ZC3H18: variants seen among roughly 807,000 people sequenced by gnomAD.
ZC3H18 encodes the protein zinc finger CCCH domain-containing protein 18.
ZC3H18 carries 8 observed loss-of-function variants against 106.1 expected under a neutral mutation model. That is an observed-to-expected ratio of 0.08 (90% CI 0.04 to 0.14). The LOEUF is 0.14. Among genes scored for constraint, ZC3H18 ranks in the 10% least tolerant of loss-of-function variants. ZC3H18 has a pLI of 1.00. For missense variants in ZC3H18, 1,318 were observed against 1,278.4 expected, an observed-to-expected ratio of 1.03 and a Z score of -0.47; for synonymous variants, 635 against 522.1, an observed-to-expected ratio of 1.22 and a Z score of -2.95.
At position 88,623,192 on chromosome 16, in the gene ZC3H18, C is replaced by T. The variant is rs189506129; in HGVS notation, c.1668-27C>T. ...GGCAGGGAGGGCCCTTCTCACTTCT[C>T]GCCACGCTCCGTCCCGCCCGCCCCA... On this transcript the variant is annotated intron_variant, in intron 9 of 17. Transcript: ENST00000301011. The T allele has an allele frequency of 1.0e-4, 162 of 1,606,326 alleles. No individual in the cohort carries two copies. In the East Asian group the frequency reaches 3.2e-3, roughly 31 times the overall value.
intron 16 of ZC3H18, among the ~76,000 whole-genome samples, 160 bp downstream of exon 16, chr16:88,629,014 T>G (rs1032841643): frequency 1.3e-5 from 2 of 152,254 alleles, no homozygotes; most frequent in African/African-American, 4.8e-5. Context: ...TGTTGAAAAC[T>G]AAAACGAAGA....
chr16:88,614,576 G>A (rs539497581), intron 8 of ZC3H18, among the ~76,000 whole-genome samples: 3 of 152,308 alleles, frequency 2.0e-5, no homozygotes, highest in African/African-American at 7.2e-5. Context: ...TAAATGTGCT[G>A]TATTTGTCAT....
chr16:88,628,960 C>A, intron 16 of ZC3H18, 106 bp downstream of exon 16: 2 of 1,095,714 alleles, frequency 1.8e-6, no homozygotes, highest in Non-Finnish European at 2.7e-6. Context: ...GAGGAGGGTC[C>A]AGAGAACATC....
At position 88,571,138 on chromosome 16, in the gene ZC3H18, T is replaced by C. The variant is rs1439509483; in HGVS notation, c.-15+572T>C. Reference sequence around the variant, plus strand: ...GAGATCAGAGGTGCTGGGTCCTTTATATAGACCAACTGCAGCTATAATGCT... The same window carrying C: ...GAGATCAGAGGTGCTGGGTCCTTTACATAGACCAACTGCAGCTATAATGCT... On this transcript the variant is annotated intron_variant, in intron 1 of 17. Transcript: ENST00000301011. Among the ~76,000 whole-genome samples, 7 of 152,222 alleles carry C rather than the reference T, an allele frequency of 4.6e-5. No individual in the cohort carries two copies. The East Asian group carries it at 1.3e-3, about 29-fold the overall frequency.
chr16:88,619,459 G>A (rs1567596274), intron 8 of ZC3H18, among the ~76,000 whole-genome samples: 1 of 152,138 alleles, frequency 6.6e-6, no homozygotes, highest in South Asian at 2.1e-4. Context: ...GCAGTGACGA[G>A]ATGGTGCAGG....
At position 88,623,952 on chromosome 16, in the gene ZC3H18, C is replaced by A. The variant is rs1437561144; in HGVS notation, c.1794-6C>A. The A allele has an allele frequency of 2.5e-6, 4 of 1,609,052 alleles. No homozygotes were observed. The highest frequency in any genetic ancestry group is 1.7e-4 in the Middle Eastern group (1 of 6,060). Reference sequence around the variant, plus strand: ...CCCCTTCCGACACCTTTGTTCACTCCCCTAGGTCCCGGTCCTTCTCTTCGT... The same window carrying A: ...CCCCTTCCGACACCTTTGTTCACTCACCTAGGTCCCGGTCCTTCTCTTCGT... On this transcript the variant is annotated splice_region_variant and splice_polypyrimidine_tract_variant and intron_variant, in intron 10 of 17. Coordinates refer to ENST00000301011, the MANE Select transcript of ZC3H18 (RefSeq NM_144604.4).
chr16:88,591,160 C>T (rs1398528556), intron 3 of ZC3H18, among the ~76,000 whole-genome samples: 2 of 151,842 alleles, frequency 1.3e-5, no homozygotes, highest in African/African-American at 2.4e-5. Context: ...TTGGTAGAGA[C>T]GGAGTTTCAC....
chr16:88,624,781 C>T (rs1906198916), intron 12 of ZC3H18, 36 bp downstream of exon 12: 4 of 1,579,928 alleles, frequency 2.5e-6, no homozygotes, highest in African/African-American at 1.4e-5. Flanking sequence ...TCAGGCTTTC[C>T]GTGTTCTTGG....
At chr16:88,608,813 C>T in intron 6 of ZC3H18, 121 bp from the exon 7 acceptor site, 4 of 725,700 alleles carry the variant, frequency 5.5e-6, no homozygotes, top group Admixed American at 2.6e-5. Context: ...GCCAACCTTG[C>T]GCTCCTGGAG....
intron 3 of ZC3H18, among the ~76,000 whole-genome samples, chr16:88,589,394 A>G (rs1488780015): frequency 6.6e-6 from 1 of 152,278 alleles, no homozygotes; most frequent in Non-Finnish European, 1.5e-5. Flanking sequence ...TCCAGTAACC[A>G]AAGAGAAACA....
At position 88,623,363 on chromosome 16, in the gene ZC3H18, T is replaced by G; in HGVS notation, c.1793+19T>G. On this transcript the variant is annotated intron_variant, in intron 10 of 17. Coordinates refer to ENST00000301011, the MANE Select transcript of ZC3H18 (RefSeq NM_144604.4). ...GGTCCAGGTATGTCCCCAGGGCCCA[T>G]GAAGGGCCCTCAGCAGGTGCAGTGA... is the stretch of plus-strand genomic sequence containing the variant. 1.2e-6 allele frequency: 2 copies of G among 1,611,106 alleles called. No individual in the cohort carries two copies. The highest frequency in any genetic ancestry group is 1.7e-6 in the Non-Finnish European group (2 of 1,179,532).
chr16:88,622,939 G>A (rs1449976379), intron 9 of ZC3H18: 1 of 470,082 alleles, frequency 2.1e-6, no homozygotes, highest in South Asian at 2.2e-5. Context: ...AGCTGGGTCT[G>A]CCCACTCAGG....
At chr16:88,570,885 G>A (rs187805270) in intron 1 of ZC3H18, among the ~76,000 whole-genome samples, 89 of 152,344 alleles carry the variant, frequency 5.8e-4, no homozygotes, top group Admixed American at 2.2e-3. Flanking sequence ...GGCCACTCGC[G>A]TGGCACATGT....
intron 7 of ZC3H18, chr16:88,609,259 A>G (rs1321822574): frequency 2.8e-6 from 1 of 353,130 alleles, no homozygotes; most frequent in Non-Finnish European, 5.2e-6. Context: ...ACTTGCCTGA[A>G]AACTGGTTCT....
rs1906109330 is a variant in ZC3H18, at chr16:88,623,641, C to T, written c.1793+297C>T. ...GGAAGGGGCCAGACCCAGCCCTGTC[C>T]TGTGGGTGTTTCTATGGGAGCTGTG... On this transcript the variant is annotated intron_variant, in intron 10 of 17. Transcript: ENST00000301011. The T allele has an allele frequency of 1.8e-5, 10 of 558,868 alleles. No homozygotes were observed. In the Admixed American group the frequency reaches 3.4e-4, roughly 19 times the overall value. 34.6% of individuals were successfully genotyped at this position (558,868 alleles called of 1,614,324 possible). A position where few individuals can be genotyped will look rare whatever the true frequency, so the allele number is the denominator to read the frequency against.
At chr16:88,584,151 G>T (rs1484770833) in intron 2 of ZC3H18, among the ~76,000 whole-genome samples, 1 of 152,166 alleles carries the variant, frequency 6.6e-6, no homozygotes, top group Non-Finnish European at 1.5e-5. Context: ...GCTGGGCGTG[G>T]TGGCTCACAC....
At chr16:88,621,421 T>G (rs1460420533) in intron 8 of ZC3H18, among the ~76,000 whole-genome samples, 2 of 152,140 alleles carry the variant, frequency 1.3e-5, no homozygotes, top group Non-Finnish European at 2.9e-5. Flanking sequence ...AGATGGGGTT[T>G]CACCATGTTA....
intron 6 of ZC3H18, among the ~76,000 whole-genome samples, chr16:88,600,428 C>G (rs1014597757): frequency 4.6e-5 from 7 of 151,932 alleles, no homozygotes; most frequent in Non-Finnish European, 1.5e-5. Context: ...GGTTTTTTTT[C>G]CCGAGGCAGA....
intron 1 of ZC3H18, among the ~76,000 whole-genome samples, chr16:88,574,395 G>T (rs948219483): frequency 6.6e-6 from 1 of 151,680 alleles, no homozygotes; most frequent in African/African-American, 2.4e-5. Flanking sequence ...TTTTAGTAGA[G>T]ACCGGGTTTC....
Sources: allele counts gnomAD v4.1 joint callset (sites outside exome capture counted in the v4.1 genomes callset), GRCh38; gene constraint gnomAD v4.1.1; transcripts MANE v1.5; gene names NCBI Gene and HGNC (gene_info 2026-07-23, HGNC 2026-07-21).